Variants in PTPRD observed in about 807,000 individuals in gnomAD.
The protein encoded by PTPRD is receptor-type tyrosine-protein phosphatase delta.
In PTPRD, 34 loss-of-function variants were observed where a neutral mutation model predicts 214.5. That is an observed-to-expected ratio of 0.16 (90% confidence interval 0.12 to 0.21). The LOEUF is 0.21. Among genes scored for constraint, PTPRD ranks in the 10% least tolerant of loss-of-function variants. PTPRD has a pLI of 1.00. For synonymous variants in PTPRD, 1,128 were observed against 845.7 expected (o/e 1.33, Z -5.79); for missense variants, 2,545 against 2,398.7 (o/e 1.06, Z -1.27).
intron 11 of PTPRD, among the ~76,000 whole-genome samples, chr9:8,923,192 C>A (rs1280187521): frequency 6.6e-6 from 1 of 151,706 alleles, no homozygotes; most frequent in Non-Finnish European, 1.5e-5. Context: ...CAGGCGCCTG[C>A]CACCACGCCC....
intron 4 of PTPRD, among the ~76,000 whole-genome samples, chr9:9,965,192 T>C (rs2094601022): frequency 6.6e-6 from 1 of 152,158 alleles, no homozygotes; most frequent in South Asian, 2.1e-4. Flanking sequence ...CTGGGAATGC[T>C]AGAACCATAG....
chr9:9,730,160 C>A (rs937987948), intron 7 of PTPRD, among the ~76,000 whole-genome samples: 10 of 152,000 alleles, frequency 6.6e-5, no homozygotes, highest in Non-Finnish European at 1.2e-4. Flanking sequence ...AAATAGCATT[C>A]AATTCTTGGA....
chr9:9,790,397 T>G (rs1242258801), intron 5 of PTPRD, among the ~76,000 whole-genome samples: 1 of 152,212 alleles, frequency 6.6e-6, no homozygotes, highest in Non-Finnish European at 1.5e-5. Flanking sequence ...TTTGCTTCCC[T>G]GCTTATTGTT....
chr9:8,328,930 A>T (rs1304258219), intron 44 of PTPRD, among the ~76,000 whole-genome samples: 1 of 149,518 alleles, frequency 6.7e-6, no homozygotes, highest in Non-Finnish European at 1.5e-5. Context: ...AATTCCTCTA[A>T]CCTTTTTTCC....
intron 2 of PTPRD, among the ~76,000 whole-genome samples, chr9:10,556,142 A>G (rs557024833): frequency 2.0e-5 from 3 of 152,276 alleles, no homozygotes; most frequent in Non-Finnish European, 4.4e-5. Context: ...GCAACCAAAG[A>G]TGTTTACTCA....
Position 10,395,884 on chromosome 9 carries a change from G to A in PTPRD, c.-599-54867C>T, listed in dbSNP as rs1365067865. 4.6e-5 allele frequency among the ~76,000 whole-genome samples: 7 copies of A among 151,562 alleles called. No homozygotes were observed. The East Asian group carries it at 1.4e-3, about 30-fold the overall frequency. ...TTGTTTGTTCCTAGAGAAGGATCTG[G>A]AAACACTGTGGTCCTGAAGTAGCAG... On this transcript the variant is annotated intron_variant, in intron 2 of 45. Transcript: ENST00000381196.
chr9:8,565,951 G>A (rs2088876232), intron 14 of PTPRD, among the ~76,000 whole-genome samples: 1 of 152,244 alleles, frequency 6.6e-6, no homozygotes, highest in Admixed American at 6.5e-5. Flanking sequence ...GAGATTTCAG[G>A]TACCTCAGGA....
At chr9:8,604,192 G>A (rs2095058143) in intron 14 of PTPRD, among the ~76,000 whole-genome samples, 1 of 152,194 alleles carries the variant, frequency 6.6e-6, no homozygotes, top group Non-Finnish European at 1.5e-5. Flanking sequence ...CAGGAGAGGA[G>A]GGGAGACCCA....
chr9:8,482,455 C>T (rs1353141072), intron 30 of PTPRD, among the ~76,000 whole-genome samples: 2 of 151,966 alleles, frequency 1.3e-5, no homozygotes, highest in Admixed American at 6.6e-5. Context: ...TATCCAAATT[C>T]CAACAATGCA....
chr9:8,661,068 A>C (rs1004375483), intron 12 of PTPRD, among the ~76,000 whole-genome samples: 7 of 152,052 alleles, frequency 4.6e-5, no homozygotes, highest in Non-Finnish European at 7.4e-5. Flanking sequence ...TCAAAATCAG[A>C]CATTTTTCTG....
At chr9:9,645,237 G>A (rs919178574) in intron 7 of PTPRD, among the ~76,000 whole-genome samples, 3 of 152,060 alleles carry the variant, frequency 2.0e-5, no homozygotes, top group African/African-American at 7.2e-5. Flanking sequence ...TGGGCCCTTG[G>A]GTGAGTTACT....
At chr9:8,435,315 G>A (rs905575001) in intron 35 of PTPRD, among the ~76,000 whole-genome samples, 1 of 152,066 alleles carries the variant, frequency 6.6e-6, no homozygotes, top group East Asian at 1.9e-4. Flanking sequence ...CTTGAGGTTG[G>A]GGGTCCTCTT....
chr9:9,917,288 C>T (rs1453693090), intron 5 of PTPRD, among the ~76,000 whole-genome samples: 1 of 106,346 alleles, frequency 9.4e-6, no homozygotes, highest in African/African-American at 3.7e-5. Flanking sequence ...AATTGACAAG[C>T]CATTAGCTAG....
intron 3 of PTPRD, among the ~76,000 whole-genome samples, chr9:10,034,596 C>A (rs2097144653): frequency 1.3e-5 from 2 of 151,922 alleles, no homozygotes; most frequent in South Asian, 4.2e-4. Context: ...CTCCAATAGG[C>A]CCCAGTGTAT....
chr9:10,327,256 C>G (rs995436583), intron 3 of PTPRD, among the ~76,000 whole-genome samples: 3 of 149,402 alleles, frequency 2.0e-5, no homozygotes, highest in Non-Finnish European at 3.0e-5. Context: ...AGAAAACAAT[C>G]AATTTTATTT....
chr9:9,836,404 C>G (rs955945575), intron 5 of PTPRD, among the ~76,000 whole-genome samples: 1 of 152,102 alleles, frequency 6.6e-6, no homozygotes, highest in Non-Finnish European at 1.5e-5. Flanking sequence ...GGGCTCATTA[C>G]CCACGTGGTC....
At chr9:8,543,546 T>C (rs971513354) in intron 14 of PTPRD, among the ~76,000 whole-genome samples, 3 of 152,216 alleles carry the variant, frequency 2.0e-5, no homozygotes, top group African/African-American at 4.8e-5. Context: ...TAAGTGTTTG[T>C]TGTTAATAAA....
intron 3 of PTPRD, among the ~76,000 whole-genome samples, chr9:10,198,987 A>G (rs1036646781): frequency 3.3e-5 from 5 of 152,042 alleles, no homozygotes; most frequent in African/African-American, 4.8e-5. Context: ...CAGAGTTATG[A>G]GAAGACAATC....
chr9:10,460,997 T>A (rs1008552209), intron 2 of PTPRD, among the ~76,000 whole-genome samples: 1 of 151,962 alleles, frequency 6.6e-6, no homozygotes, highest in Admixed American at 6.6e-5. Context: ...ATATAACAAA[T>A]AAGGGGTTAA....
Sources: gnomAD v4.1 joint callset for allele counts (sites outside exome capture counted in the v4.1 genomes callset) on GRCh38, gnomAD v4.1.1 for gene constraint, MANE v1.5 for transcripts, NCBI Gene and HGNC (gene_info 2026-07-23, HGNC 2026-07-21) for gene names.